The following ZNF248 variants were observed in gnomAD, a reference collection of about 807,000 sequenced individuals.
The protein encoded by ZNF248 is KRAB protein domain.
Under a neutral mutation model 44.3 loss-of-function variants are expected in ZNF248, and 20 were observed. The observed-to-expected ratio is 0.45, with a 90% CI of 0.32 to 0.66. The LOEUF (loss-of-function observed/expected upper bound fraction) is 0.66, where lower values mean the gene tolerates loss of function less well. Among genes scored for constraint, ZNF248 ranks in the 30% least tolerant of loss-of-function variants. The pLI, the probability that ZNF248 is intolerant of heterozygous loss-of-function variation, is 0.04. For synonymous variants in ZNF248, 224 were observed against 229.0 expected (o/e 0.98, Z 0.20); for missense variants, 654 against 677.0 (o/e 0.97, Z 0.38).
chr10:37,804,170 TC>T (rs1475386782), intron 6 of ZNF248, among the ~76,000 whole-genome samples: 1 of 148,478 alleles, frequency 6.7e-6, no homozygotes, highest in Non-Finnish European at 1.5e-5. Context: ...AGTGGCGTGA[TC>T]TCGGCTCACT....
chr10:37,772,024 TG>T, downstream of ZNF248, among the ~76,000 whole-genome samples: 1 of 152,266 alleles, frequency 6.6e-6, no homozygotes, highest in South Asian at 2.1e-4. Context: ...CCCAGTACTT[TG>T]GGAGGCCAAG....
intron 3 of ZNF248, among the ~76,000 whole-genome samples, chr10:37,839,639 CATTT>C (rs2057967037): frequency 6.6e-6 from 1 of 151,794 alleles, no homozygotes; most frequent in Non-Finnish European, 1.5e-5. Context: ...TAATCTGAAA[CATTT>C]ATGCATTTAA....
chr10:37,831,307 A>C lies in ZNF248; in HGVS notation c.*308T>G. 1 of 1,549,648 alleles carries C rather than the reference A, an allele frequency of 6.5e-7. No homozygotes were observed. Among genetic ancestry groups the C allele is most frequent in the South Asian group, 1.2e-5 (1 of 84,026 alleles). On this transcript the variant is annotated 3_prime_UTR_variant, in exon 6 of 6. Coordinates refer to ENST00000395867, the MANE Select transcript of ZNF248 (RefSeq NM_021045.3). The stretch of plus-strand genomic sequence containing the variant: ...GTCATTCAACTTTTATAAGCTTCAG[A>C]TTCCACTGTGAATATGGGTATAAAT...
downstream of ZNF248, among the ~76,000 whole-genome samples, chr10:37,772,550 G>A (rs1588905634): frequency 6.6e-6 from 1 of 152,280 alleles, no homozygotes; most frequent in East Asian, 1.9e-4. Context: ...AATGTATTAT[G>A]TAAATATGGG....
intron 6 of ZNF248, among the ~76,000 whole-genome samples, chr10:37,799,650 G>C (rs2133193580): frequency 6.6e-6 from 1 of 152,268 alleles, no homozygotes; most frequent in Non-Finnish European, 1.5e-5. Flanking sequence ...CACTCAGTAA[G>C]ACTCGTAAGA....
intron 6 of ZNF248, among the ~76,000 whole-genome samples, chr10:37,785,006 T>C (rs2047723547): frequency 1.3e-5 from 2 of 152,224 alleles, no homozygotes. Context: ...GGTCTGTTTA[T>C]ACATGGGGAA....
intron 3 of ZNF248, among the ~76,000 whole-genome samples, chr10:37,841,620 G>C (rs907913300): frequency 1.3e-5 from 2 of 152,194 alleles, no homozygotes; most frequent in Non-Finnish European, 2.9e-5. Flanking sequence ...AGGAGGTGTA[G>C]CGTAACTCTC....
chr10:37,834,739 C>G (rs1364933544), intron 5 of ZNF248, among the ~76,000 whole-genome samples: 1 of 152,100 alleles, frequency 6.6e-6, no homozygotes, highest in Non-Finnish European at 1.5e-5. Context: ...AAATAATAAG[C>G]CATTACTATT....
At chr10:37,840,306 T>C (rs530632590) in intron 3 of ZNF248, among the ~76,000 whole-genome samples, 81 of 152,266 alleles carry the variant, frequency 5.3e-4, no homozygotes, top group Non-Finnish European at 1.0e-4. Flanking sequence ...AAGCAGAATA[T>C]GCAAAAGGAC....
chr10:37,792,521 A>T (rs978969258), intron 6 of ZNF248, among the ~76,000 whole-genome samples: 4 of 152,320 alleles, frequency 2.6e-5, no homozygotes, highest in African/African-American at 9.6e-5. Context: ...CTTCCAAAAA[A>T]CAAGAGTATG....
intron 3 of ZNF248, among the ~76,000 whole-genome samples, chr10:37,854,789 C>T (rs971665013): frequency 6.6e-6 from 1 of 152,158 alleles, no homozygotes; most frequent in African/African-American, 2.4e-5. Flanking sequence ...GTTTAATGAA[C>T]TATGGACTTG....
chr10:37,816,333 C>T (rs1464835372), intron 6 of ZNF248, among the ~76,000 whole-genome samples: 1 of 152,204 alleles, frequency 6.6e-6, no homozygotes, highest in Non-Finnish European at 1.5e-5. Flanking sequence ...AGCACAGTTC[C>T]CCAATATTTG....
the ZNF248 span, among the ~76,000 whole-genome samples, chr10:37,768,895 A>G: frequency 6.6e-6 from 1 of 152,190 alleles, no homozygotes; most frequent in Non-Finnish European, 1.5e-5. Flanking sequence ...AAAGAAGAAA[A>G]GAGAGAAGAA....
the ZNF248 span, among the ~76,000 whole-genome samples, chr10:37,766,592 C>G: frequency 6.6e-6 from 1 of 152,292 alleles, no homozygotes; most frequent in East Asian, 1.9e-4. Flanking sequence ...AACTAACAAA[C>G]AGAAAGGACA....
At chr10:37,833,929 A>G (rs1315602808) in intron 5 of ZNF248, among the ~76,000 whole-genome samples, 2 of 152,132 alleles carry the variant, frequency 1.3e-5, no homozygotes, top group Non-Finnish European at 2.9e-5. Context: ...CATAAGAATT[A>G]GGTTTGGCAG....
rs2054868169 is a variant in ZNF248 at position 37,828,893 on chromosome 10, G to A, written c.*2722C>T. ...AATGTCTGCTTCACACATGTTGAAG[G>A]AGAGACATACCTGTGTAGTTCCAAA... On this transcript the variant is annotated 3_prime_UTR_variant, in exon 6 of 6. Transcript: ENST00000395867. 2 of 985,366 alleles carry A rather than the reference G, an allele frequency of 2.0e-6. No homozygotes were observed. The highest frequency in any genetic ancestry group is 2.4e-6 in the Non-Finnish European group (2 of 829,886). The allele number at this position is 985,366 out of a possible 1,614,324, so 61.0% of individuals were successfully genotyped here. A position where few individuals can be genotyped will look rare whatever the true frequency, so the allele number is the denominator to read the frequency against.
the ZNF248 span, among the ~76,000 whole-genome samples, chr10:37,767,325 G>T: frequency 6.6e-6 from 1 of 152,148 alleles, no homozygotes; most frequent in African/African-American, 2.4e-5. Flanking sequence ...ATAATTGTCA[G>T]ATTCACCAAA....
intron 6 of ZNF248, among the ~76,000 whole-genome samples, chr10:37,787,222 T>C (rs546309677): frequency 2.6e-5 from 4 of 152,002 alleles, no homozygotes; most frequent in Non-Finnish European, 5.9e-5. Context: ...GAGGTTGCAG[T>C]GAGCTGAGAT....
the ZNF248 span, among the ~76,000 whole-genome samples, chr10:37,758,747 T>C: frequency 2.0e-5 from 3 of 152,172 alleles, no homozygotes; most frequent in Non-Finnish European, 4.4e-5. Context: ...TATAATCATA[T>C]TGTTATTATC....
Sources: allele counts gnomAD v4.1 joint callset (sites outside exome capture counted in the v4.1 genomes callset), GRCh38; gene constraint gnomAD v4.1.1; transcripts MANE v1.5; gene names NCBI Gene and HGNC (gene_info 2026-07-23, HGNC 2026-07-21).